The following SENP5 variants were observed in gnomAD, a reference collection of about 807,000 sequenced individuals.
SENP5 encodes the protein SUMO specific peptidase 5, also known as sentrin-specific protease 5.
A neutral mutation model predicts 74.2 loss-of-function variants in SENP5; 21 were observed. That is an observed-to-expected ratio of 0.28 (90% confidence interval 0.20 to 0.41). SENP5 has a LOEUF of 0.41. Ranked by LOEUF, SENP5 falls within the 10% of genes least tolerant of loss-of-function variation. The probability of loss-of-function intolerance (pLI) is 1.00; values close to 1 mark genes in which losing one functional copy is unlikely to be tolerated. For synonymous variants in SENP5, 311 were observed against 312.7 expected (o/e 0.99, Z 0.06); for missense variants, 717 against 889.1 (o/e 0.81, Z 2.46).
intron 6 of SENP5, among the ~76,000 whole-genome samples, chr3:196,921,907 G>T (rs1241256610): frequency 1.3e-5 from 2 of 152,200 alleles, no homozygotes; most frequent in Non-Finnish European, 2.9e-5. Flanking sequence ...AAAAATACCT[G>T]AGAAGGGAAA....
Position 196,932,391 on chromosome 3 carries a change from G to C in SENP5, c.*1468G>C, listed in dbSNP as rs899959335. 3.3e-5 allele frequency: 5 copies of C among 152,362 alleles called. No individual in the cohort carries two copies. The highest frequency in any genetic ancestry group is 1.2e-4 in the African/African-American group (5 of 41,442). The allele number at this position is 152,362 out of a possible 1,614,324, so 9.4% of individuals were successfully genotyped here. On this transcript the variant is annotated 3_prime_UTR_variant, in exon 10 of 10. Coordinates refer to ENST00000323460, the MANE Select transcript of SENP5 (RefSeq NM_152699.5). ...TTTCACTTGGCCCTGAGGTATGGTT[G>C]AGAAGGCTGACTGCCAGCAGTTGAG... is the stretch of plus-strand genomic sequence containing the variant.
At chr3:196,917,367 G>A (rs1715423337) in intron 6 of SENP5, among the ~76,000 whole-genome samples, 2 of 152,054 alleles carry the variant, frequency 1.3e-5, no homozygotes, top group Admixed American at 1.3e-4. Context: ...GTCTTAAAGA[G>A]GAGGTAGAGA....
At chr3:196,869,646 G>C (rs1713117730) in intron 1 of SENP5, among the ~76,000 whole-genome samples, 1 of 149,744 alleles carries the variant, frequency 6.7e-6, no homozygotes, top group Non-Finnish European at 1.5e-5. Context: ...TGTAATCCCA[G>C]CTACTCGGAA....
intron 8 of SENP5, among the ~76,000 whole-genome samples, 189 bp downstream of exon 8, chr3:196,928,068 C>G (rs534023501): frequency 6.6e-6 from 1 of 152,102 alleles, no homozygotes; most frequent in Non-Finnish European, 1.5e-5. Context: ...CAGTGCTTCC[C>G]GGGAGCAAAT....
intron 6 of SENP5, among the ~76,000 whole-genome samples, chr3:196,907,641 G>C (rs898671401): frequency 6.6e-6 from 1 of 152,128 alleles, no homozygotes; most frequent in Non-Finnish European, 1.5e-5. Flanking sequence ...CCTTCCTCTA[G>C]ATCAGGGGTG....
chr3:196,888,085 A>C (rs1377138914), intron 2 of SENP5, among the ~76,000 whole-genome samples: 1 of 152,100 alleles, frequency 6.6e-6, no homozygotes. Context: ...AAGCTTACCT[A>C]TATTTGACTT....
chr3:196,898,000 C>T (rs1191764812), intron 2 of SENP5, among the ~76,000 whole-genome samples: 13 of 144,246 alleles, frequency 9.0e-5, no homozygotes, highest in Admixed American at 6.9e-5. Flanking sequence ...GGTGAAACCC[C>T]GTCTCTACAA....
At chr3:196,873,147 C>T (rs1208789287) in intron 1 of SENP5, among the ~76,000 whole-genome samples, 2 of 147,146 alleles carry the variant, frequency 1.4e-5, no homozygotes, top group Non-Finnish European at 3.0e-5. Context: ...GAACTTGGCT[C>T]ACTGCAACCT....
intron 8 of SENP5, 139 bp downstream of exon 8, chr3:196,928,018 T>A (rs1715880449): frequency 7.2e-6 from 4 of 557,498 alleles, no homozygotes; most frequent in Non-Finnish European, 9.6e-6. Context: ...CAGCTGAGAA[T>A]GAACTTCAGT....
At chr3:196,906,920 G>A (rs1211941299) in intron 6 of SENP5, among the ~76,000 whole-genome samples, 1 of 152,198 alleles carries the variant, frequency 6.6e-6, no homozygotes, top group Non-Finnish European at 1.5e-5. Context: ...ATGGTACTTT[G>A]AAGTAGAATG....
intron 6 of SENP5, among the ~76,000 whole-genome samples, chr3:196,905,969 C>T (rs1167328383): frequency 6.6e-6 from 1 of 152,154 alleles, no homozygotes; most frequent in African/African-American, 2.4e-5. Context: ...CCCGTAATCC[C>T]AGCACTTTGG....
chr3:196,915,866 T>C lies in SENP5; in HGVS notation c.1885-7548T>C, dbSNP rs548200248. ...GGCTTGGGGCTCCCTGTAGTGCAGA[T>C]ACGGCTGCAGTGACCAAAGACTTAG... On this transcript the variant is annotated intron_variant, in intron 6 of 9. Transcript: ENST00000323460. Among the ~76,000 whole-genome samples, 16 of 152,358 alleles carry C rather than the reference T, an allele frequency of 1.1e-4. No individual in the cohort carries two copies. The South Asian group carries it at 2.9e-3, about 28-fold the overall frequency.
rs537348505 is a variant in SENP5 at position 196,895,237 on chromosome 3, G to T, written c.1514-4429G>T. Among the ~76,000 whole-genome samples, 251 of 148,410 alleles carry T rather than the reference G, an allele frequency of 1.7e-3. 1 individual carries two copies. The highest frequency in any genetic ancestry group is 3.5e-3 in the Middle Eastern group (1 of 282). The stretch of plus-strand genomic sequence containing the variant: ...GACGGAGTCTTACTCTGTCACCCAG[G>T]CTGGAGTGCAGTGGCATAATCTCAG... On this transcript the variant is annotated intron_variant, in intron 2 of 9. Transcript: ENST00000323460.
At chr3:196,922,698 G>GCAA (rs1325764471) in intron 6 of SENP5, among the ~76,000 whole-genome samples, 1 of 152,176 alleles carries the variant, frequency 6.6e-6, no homozygotes, top group Non-Finnish European at 1.5e-5. Context: ...TCTGCTCAGT[G>GCAA]CAACCTCCGC....
rs779526380 is a variant in SENP5, at chr3:196,928,964, T to TCTA, written c.2107-669_2107-668insCTA. 1.1e-4 allele frequency among the ~76,000 whole-genome samples: 16 copies of TCTA among 152,208 alleles called. No homozygotes were observed. The East Asian group carries it at 2.3e-3, about 22-fold the overall frequency. ...CAGCACTTTGGGAGGCAAAGGTGCGTGGATTGCGTGAGTCTAGGAGTTCAA... is the reference window on the plus strand; with the variant it reads ...CAGCACTTTGGGAGGCAAAGGTGCGTCTAGGATTGCGTGAGTCTAGGAGTTCAA... On this transcript the variant is annotated intron_variant, in intron 8 of 9. Coordinates refer to ENST00000323460, the MANE Select transcript of SENP5 (RefSeq NM_152699.5).
chr3:196,871,855 CAAA>C (rs10714946), intron 1 of SENP5, among the ~76,000 whole-genome samples: 5 of 105,820 alleles, frequency 4.7e-5, no homozygotes, highest in Admixed American at 1.1e-4. Flanking sequence ...ACTCCATCTC[CAAA>C]AAAAAAAAAA....
chr3:196,898,846 C>T (rs9714263), intron 2 of SENP5, among the ~76,000 whole-genome samples: 9 of 152,210 alleles, frequency 5.9e-5, no homozygotes, highest in Middle Eastern at 3.4e-3. Flanking sequence ...CATTCGATGA[C>T]GATTCCATTC....
intron 1 of SENP5, among the ~76,000 whole-genome samples, chr3:196,879,670 A>T (rs9784336): frequency 0.58 from 88,180 of 151,910 alleles, 26,372 homozygotes; most frequent in East Asian, 0.8. Flanking sequence ...ACTTACTCCC[A>T]TATTTGCCAG....
rs938274122 is a variant in SENP5, at chr3:196,885,310, G to C, written c.129G>C (p.Lys43Asn). Reference sequence around the variant, plus strand: ...AACACTTGTGCATTCTGAAAGCTAAGCTGGGAAGGCCAGTTACTTGGAATA... The same window carrying C: ...AACACTTGTGCATTCTGAAAGCTAACCTGGGAAGGCCAGTTACTTGGAATA... ...FHQHLCILKA[K>N]LGRPVTWNRQ... Residue 43 changes from lysine to asparagine, a missense_variant, in exon 2 of 10, where the codon AAG becomes AAC. This residue lies in a region of SENP5 where 567 missense variants were observed against 577.4 expected (regional missense o/e 0.98). Transcript: ENST00000323460. 2 of 1,614,160 alleles carry C rather than the reference G, an allele frequency of 1.2e-6. No homozygotes were observed. The highest frequency in any genetic ancestry group is 2.7e-5 in the African/African-American group (2 of 75,036).
Sources: allele counts gnomAD v4.1 joint callset (sites outside exome capture counted in the v4.1 genomes callset), GRCh38; gene constraint gnomAD v4.1.1; regional missense constraint gnomAD v4.1.1; transcripts MANE v1.5; gene names NCBI Gene and HGNC (gene_info 2026-07-23, HGNC 2026-07-21).